Variants in WDR37 observed in about 807,000 individuals in gnomAD.
WDR37 encodes WD repeat-containing protein 37.
Under a neutral mutation model 62.9 loss-of-function variants are expected in WDR37, and 19 were observed. The observed-to-expected ratio is 0.30, with a 90% CI of 0.21 to 0.44. The LOEUF (loss-of-function observed/expected upper bound fraction) is 0.44. Among genes scored for constraint, WDR37 ranks in the 20% least tolerant of loss-of-function variants. WDR37 has a pLI of 1.00. For synonymous variants in WDR37, 250 were observed against 260.9 expected, an observed-to-expected ratio of 0.96 and a Z score of 0.40; for missense variants, 474 against 657.6, an observed-to-expected ratio of 0.72 and a Z score of 3.05.
chr10:1,096,108 G>A (rs1032230010), intron 8 of WDR37, 62 bp from the exon 9 acceptor site: 4 of 1,532,776 alleles, frequency 2.6e-6, no homozygotes, highest in Non-Finnish European at 3.6e-6. Context: ...CATAGTGGCG[G>A]TGAAGAGCGC....
rs1834568156 is a variant in WDR37, at chr10:1,096,182, A to T, written c.662A>T (p.Gln221Leu). 3.7e-6 allele frequency: 6 copies of T among 1,614,190 alleles called. No individual in the cohort carries two copies. In the East Asian group the frequency reaches 1.1e-4, roughly 30 times the overall value. Residue 221 changes from glutamine to leucine, a missense_variant, in exon 9 of 14, where the codon CAG becomes CTG. Transcript: ENST00000263150. Reference sequence around the variant, plus strand: ...TTTCTCTCTTCAGCTTCTGGAGATCAGACTGCTCATATCTGGAGATACGCG... The same window carrying T: ...TTTCTCTCTTCAGCTTCTGGAGATCTGACTGCTCATATCTGGAGATACGCG... ...EQLALTASGD[Q>L]TAHIWRYAVQ...
intron 7 of WDR37, 113 bp downstream of exon 7, chr10:1,086,470 G>C (rs570999748): frequency 1.3e-6 from 1 of 765,904 alleles, no homozygotes; most frequent in Non-Finnish European, 2.2e-6. Context: ...TTACTGTTTC[G>C]GTTGTCAGGG....
chr10:1,115,350 T>G (rs1038580802), intron 11 of WDR37, among the ~76,000 whole-genome samples: 1 of 152,218 alleles, frequency 6.6e-6, no homozygotes, highest in Non-Finnish European at 1.5e-5. Context: ...AAACAAAATT[T>G]TAAAAGATCA....
chr10:1,057,010 TC>T, intron 1 of WDR37, 42 bp downstream of exon 1: 1 of 152,308 alleles, frequency 6.6e-6, no homozygotes, highest in Non-Finnish European at 1.5e-5. Context: ...GCCGAGTCGT[TC>T]CCCGGATGCC....
Position 1,089,580 on chromosome 10 carries a change from A to G in WDR37, c.604+3223A>G, listed in dbSNP as rs560406491. 2.6e-4 allele frequency among the ~76,000 whole-genome samples: 40 copies of G among 152,158 alleles called. 1 individual carries two copies. The East Asian group carries it at 4.3e-3, about 16-fold the overall frequency. On this transcript the variant is annotated intron_variant, in intron 7 of 13. Transcript: ENST00000263150. ...TTTATTGGCTTTCCGTTCTTCACGC[A>G]GGTTAATTCAGCCTTCCCGTGCTCA...
At chr10:1,110,749 C>G (rs890410412) in intron 11 of WDR37, among the ~76,000 whole-genome samples, 1 of 152,250 alleles carries the variant, frequency 6.6e-6, no homozygotes, top group Non-Finnish European at 1.5e-5. Context: ...CTGAGGGACC[C>G]TCTGCGCCGG....
At chr10:1,072,381 G>A (rs936373857) in intron 2 of WDR37, 88 bp downstream of exon 2, 9 of 1,535,814 alleles carry the variant, frequency 5.9e-6, no homozygotes, top group East Asian at 4.6e-5. Context: ...GCGATGGTGC[G>A]ATCTCCGCTC....
chr10:1,105,333 CTTAATTCT>C lies in WDR37; in HGVS notation c.1103+67_1103+74del. ...AAAGTTCTGTGGGTTGACATGAAAA[CTTAATTCT>C]AGCCTTAATTTTCAGTATTTCCGAC... On this transcript the variant is annotated intron_variant, in intron 11 of 13. Coordinates refer to ENST00000263150, the MANE Select transcript of WDR37 (RefSeq NM_014023.4). This position sits in a 1 kb window ranked among gnomAD's most constrained non-coding sequence, Gnocchi z 5.3. 6.5e-7 allele frequency: 1 copy of C among 1,539,648 alleles called. No individual in the cohort carries two copies. Among genetic ancestry groups the C allele is most frequent in the South Asian group, 1.2e-5 (1 of 84,872 alleles).
intron 11 of WDR37, among the ~76,000 whole-genome samples, chr10:1,108,868 C>T (rs1835115519): frequency 6.6e-6 from 1 of 151,998 alleles, no homozygotes; most frequent in Non-Finnish European, 1.5e-5. Flanking sequence ...GCACAAAAAT[C>T]TGTCAGAGCT....
chr10:1,115,025 T>A (rs2131678798), intron 11 of WDR37, among the ~76,000 whole-genome samples: 1 of 147,276 alleles, frequency 6.8e-6, no homozygotes, highest in South Asian at 2.2e-4. Context: ...CCATCTCCCT[T>A]TTTTGTTTTT....
At position 1,077,944 on chromosome 10, in the gene WDR37, T is replaced by G. The variant is rs1409693436; in HGVS notation, c.176T>G (p.Leu59Arg). ...KLPSSVRSTL[L>R]ELFGQIEREF... ...CCTTCCTCGGTTCGCAGTACACTTC[T>G]GGAACTGTTTGGTCAAATAGAAAGA... The change falls in exon 3 of 14, where the codon CTG (leucine) becomes CGG (arginine). Residue 59 changes from leucine to arginine, a missense_variant. Physicochemically the swap from Leu to Arg is moderately radical, Grantham distance 102. Transcript: ENST00000263150. 3.1e-6 allele frequency: 5 copies of G among 1,612,350 alleles called. No homozygotes were observed. In the South Asian group the frequency reaches 3.3e-5, roughly 11 times the overall value.
At chr10:1,080,855 G>C (rs1040156497) in intron 5 of WDR37, among the ~76,000 whole-genome samples, 1 of 151,018 alleles carries the variant, frequency 6.6e-6, no homozygotes, top group Non-Finnish European at 1.5e-5. Flanking sequence ...GCAGTGAGCC[G>C]AGCTTACACC....
At chr10:1,068,847 A>G (rs528892873) in intron 1 of WDR37, among the ~76,000 whole-genome samples, 1 of 152,348 alleles carries the variant, frequency 6.6e-6, no homozygotes, top group East Asian at 1.9e-4. Context: ...TGTCAGTTGT[A>G]TTTGGCAATA....
intron 13 of WDR37, among the ~76,000 whole-genome samples, chr10:1,128,868 G>T (rs1835885863): frequency 6.6e-6 from 1 of 151,660 alleles, no homozygotes; most frequent in African/African-American, 2.4e-5. Context: ...ATGCTCGGCG[G>T]TCCATGCTCG....
rs1834314328 is a variant in WDR37 at position 1,089,604 on chromosome 10, C to T, written c.604+3247C>T. Among the ~76,000 whole-genome samples the T allele has an allele frequency of 2.6e-5, 4 of 151,990 alleles. No homozygotes were observed. In the South Asian group the frequency reaches 8.3e-4, roughly 32 times the overall value. ...CAGGTTAATTCAGCCTTCCCGTGCT[C>T]ACCCACAATTCAACCTTCCCATGCT... On this transcript the variant is annotated intron_variant, in intron 7 of 13. Coordinates refer to ENST00000263150, the MANE Select transcript of WDR37 (RefSeq NM_014023.4).
chr10:1,108,738 T>TCCCCCCCCCCCC lies in WDR37; in HGVS notation c.1103+3471_1103+3472insCCCCCCCCCCCC, dbSNP rs1491455688. Among the ~76,000 whole-genome samples the TCCCCCCCCCCCC allele has an allele frequency of 8.4e-5, 5 of 59,776 alleles. 2 individuals carry two copies. The highest frequency in any genetic ancestry group is 2.2e-4 in the African/African-American group (4 of 18,180). The allele number at this position is 59,776 out of a possible 152,430, so 39.2% of individuals were successfully genotyped here. ...GTTGCTTTGGTTTTGGCTTCTGTGA[T>TCCCCCCCCCCCC]GCCCCCCCCCCCCGTGGAACCTGCA... On this transcript the variant is annotated intron_variant, in intron 11 of 13. Transcript: ENST00000263150.
chr10:1,074,583 T>A, intron 2 of WDR37: 15 of 1,242,158 alleles, frequency 1.2e-5, no homozygotes, highest in Non-Finnish European at 1.6e-5. Flanking sequence ...CGTGAGGTGC[T>A]CTGCCTTCCC....
At chr10:1,097,837 C>T (rs552774994) in intron 9 of WDR37, among the ~76,000 whole-genome samples, 1 of 152,166 alleles carries the variant, frequency 6.6e-6, no homozygotes, top group Non-Finnish European at 1.5e-5. Context: ...CAGTGCCTGC[C>T]CTACTGTTGT....
intron 1 of WDR37, among the ~76,000 whole-genome samples, chr10:1,071,474 AG>A (rs1833724933): frequency 6.6e-6 from 1 of 152,244 alleles, no homozygotes; most frequent in East Asian, 1.9e-4. Context: ...ACAGGGAATG[AG>A]TAGAAAATGC....
Sources: gnomAD v4.1 joint callset for allele counts (sites outside exome capture counted in the v4.1 genomes callset) on GRCh38, gnomAD v4.1.1 for gene constraint, Gnocchi (gnomAD v3.1) non-coding constraint, MANE v1.5 for transcripts, NCBI Gene and HGNC (gene_info 2026-07-23, HGNC 2026-07-21) for gene names.